Variants in PRELID2 observed in about 807,000 individuals in gnomAD.
PRELID2 encodes the protein PRELI domain-containing protein 2.
PRELID2 carries 25 observed loss-of-function variants against 28.4 expected under a neutral mutation model. That is an observed-to-expected ratio of 0.88 (90% CI 0.64 to 1.23). The LOEUF (loss-of-function observed/expected upper bound fraction) is 1.23. Ranked by LOEUF, PRELID2 falls within the 50% of genes most tolerant of loss-of-function variation. The pLI, the probability that PRELID2 is intolerant of heterozygous loss-of-function variation, is 0.00. For missense variants in PRELID2, 201 were observed against 214.4 expected, an observed-to-expected ratio of 0.94 and a Z score of 0.39; for synonymous variants, 76 against 71.6, an observed-to-expected ratio of 1.06 and a Z score of -0.31.
At chr5:145,565,784 G>A (rs1458373772) in intron 1 of PRELID2, among the ~76,000 whole-genome samples, 1 of 152,310 alleles carries the variant, frequency 6.6e-6, no homozygotes, top group East Asian at 1.9e-4. Flanking sequence ...TCATGGTGGC[G>A]AGATGGACAG....
At chr5:145,524,396 C>T (rs933677800) in intron 1 of PRELID2, among the ~76,000 whole-genome samples, 7 of 152,136 alleles carry the variant, frequency 4.6e-5, no homozygotes, top group Admixed American at 6.6e-5. Context: ...GGCCATTTCC[C>T]GGGTACAGAG....
chr5:145,784,662 T>TA (rs1751868359), intron 5 of PRELID2, among the ~76,000 whole-genome samples: 1 of 152,282 alleles, frequency 6.6e-6, no homozygotes, highest in South Asian at 2.1e-4. Context: ...TAACAGCTAT[T>TA]ATGCCGATGG....
intron 1 of PRELID2, among the ~76,000 whole-genome samples, chr5:145,698,087 T>C (rs540799949): frequency 6.6e-6 from 1 of 152,216 alleles, no homozygotes; most frequent in South Asian, 2.1e-4. Flanking sequence ...AAAAATATCA[T>C]TCAGTCCTCT....
At chr5:145,623,358 G>T (rs553620234) in intron 1 of PRELID2, among the ~76,000 whole-genome samples, 1 of 151,778 alleles carries the variant, frequency 6.6e-6, no homozygotes, top group African/African-American at 2.4e-5. Flanking sequence ...TGAGACAAGA[G>T]AATCACTTGA....
intron 1 of PRELID2, among the ~76,000 whole-genome samples, chr5:145,617,244 G>T (rs1753711887): frequency 1.3e-5 from 2 of 152,130 alleles, no homozygotes; most frequent in African/African-American, 4.8e-5. Context: ...ATCCTCCTCA[G>T]CTTATGAAGA....
the PRELID2 span, among the ~76,000 whole-genome samples, chr5:145,462,526 A>G: frequency 2.0e-5 from 3 of 152,328 alleles, no homozygotes; most frequent in East Asian, 1.9e-4. Flanking sequence ...CATTTAATCT[A>G]TTTCAAATGG....
At chr5:145,325,187 CCTTT>C in the PRELID2 span, among the ~76,000 whole-genome samples, 1 of 152,134 alleles carries the variant, frequency 6.6e-6, no homozygotes, top group Admixed American at 6.5e-5. Flanking sequence ...CCATCTTTTT[CCTTT>C]CTAAGTGAAA....
intron 1 of PRELID2, among the ~76,000 whole-genome samples, chr5:145,512,084 C>T (rs1182314598): frequency 1.3e-5 from 2 of 152,146 alleles, no homozygotes; most frequent in Non-Finnish European, 2.9e-5. Flanking sequence ...TAACTTGGTA[C>T]ATTCACTGAG....
chr5:145,714,715 A>C (rs1755796099), intron 1 of PRELID2, among the ~76,000 whole-genome samples: 1 of 152,156 alleles, frequency 6.6e-6, no homozygotes, highest in Admixed American at 6.5e-5. Context: ...CTTGTTGCCA[A>C]ATCCAAACTC....
the PRELID2 span, among the ~76,000 whole-genome samples, chr5:145,397,230 G>A: frequency 2.0e-5 from 3 of 152,054 alleles, no homozygotes; most frequent in East Asian, 1.9e-4. Context: ...TACATGTTCC[G>A]AAGGCCCCCA....
intron 1 of PRELID2, among the ~76,000 whole-genome samples, chr5:145,498,305 G>A (rs1229218024): frequency 6.6e-6 from 1 of 152,062 alleles, no homozygotes; most frequent in African/African-American, 2.4e-5. Flanking sequence ...GCAAGAAAGG[G>A]CAACATAAAT....
At chr5:145,742,759 T>A (rs1756871673) in intron 1 of PRELID2, among the ~76,000 whole-genome samples, 1 of 149,788 alleles carries the variant, frequency 6.7e-6, no homozygotes, top group Non-Finnish European at 1.5e-5. Flanking sequence ...AGAGCAGAAA[T>A]CAATGAGATA....
the PRELID2 span, chr5:145,229,230 A>G: frequency 2.5e-6 from 2 of 789,402 alleles, no homozygotes; most frequent in Non-Finnish European, 4.6e-6. Flanking sequence ...CCCCCAGATG[A>G]AGGTCCCTGG....
At chr5:145,792,933 G>A (rs1200776549) in intron 5 of PRELID2, among the ~76,000 whole-genome samples, 1 of 152,182 alleles carries the variant, frequency 6.6e-6, no homozygotes, top group Non-Finnish European at 1.5e-5. Flanking sequence ...AGAATAGGGA[G>A]GGCCAAAGTG....
chr5:145,278,667 G>A, the PRELID2 span, among the ~76,000 whole-genome samples: 1 of 152,042 alleles, frequency 6.6e-6, no homozygotes, highest in African/African-American at 2.4e-5. Flanking sequence ...TATTCATTTT[G>A]CCAGAAATAA....
At chr5:145,419,294 G>A in the PRELID2 span, among the ~76,000 whole-genome samples, 3 of 133,004 alleles carry the variant, frequency 2.3e-5, no homozygotes, top group Non-Finnish European at 4.9e-5. Flanking sequence ...AGATCCCTGA[G>A]GAATCGCCAC....
At chr5:145,610,401 C>A (rs1408076304) in intron 1 of PRELID2, among the ~76,000 whole-genome samples, 2 of 152,112 alleles carry the variant, frequency 1.3e-5, no homozygotes, top group African/African-American at 4.8e-5. Context: ...TTCTAGTCCA[C>A]CATCTTGACC....
Position 145,617,531 on chromosome 5 carries a change from T to C in PRELID2, n.71-144216A>G, listed in dbSNP as rs538284075. ...GGGTCATTTATCGTAATACCAGACA[T>C]CTTGGAGGCTTTGTTCATATTTTCT... On this transcript the variant is annotated intron_variant and non_coding_transcript_variant, in intron 1 of 2. Transcript: ENST00000510259. 1.6e-3 allele frequency among the ~76,000 whole-genome samples: 243 copies of C among 152,312 alleles called. 2 individuals are homozygous for C. The highest frequency in any genetic ancestry group is 2.4e-3 in the Admixed American group (37 of 15,304).
chr5:145,741,662 TATATATAA>T (rs1756771362), intron 1 of PRELID2, among the ~76,000 whole-genome samples: 1 of 32,008 alleles, frequency 3.1e-5, no homozygotes, highest in Non-Finnish European at 7.4e-5. Context: ...ATAATTTATT[TATATATAA>T]ATAATTTATA....
Sources: gnomAD v4.1 joint callset for allele counts (sites outside exome capture counted in the v4.1 genomes callset) on GRCh38, gnomAD v4.1.1 for gene constraint, MANE v1.5 for transcripts, NCBI Gene and HGNC (gene_info 2026-07-23, HGNC 2026-07-21) for gene names.